The following CDC5L variants were observed in gnomAD, a reference collection of about 807,000 sequenced individuals.
The protein encoded by CDC5L is cell division cycle 5-like protein.
A neutral mutation model predicts 104.1 loss-of-function variants in CDC5L; 18 were observed. The observed-to-expected ratio is 0.17, with a 90% CI of 0.12 to 0.26. CDC5L has a LOEUF of 0.26. Among genes scored for constraint, CDC5L ranks in the 10% least tolerant of loss-of-function variants. CDC5L has a pLI of 1.00. For synonymous variants in CDC5L, 331 were observed against 322.7 expected, an observed-to-expected ratio of 1.03 and a Z score of -0.28; for missense variants, 673 against 956.9, an observed-to-expected ratio of 0.70 and a Z score of 3.91.
chr6:44,417,276 A>G (rs1182963307), intron 8 of CDC5L, among the ~76,000 whole-genome samples: 1 of 152,006 alleles, frequency 6.6e-6, no homozygotes, highest in Non-Finnish European at 1.5e-5. Flanking sequence ...GGGAATGTGG[A>G]GTGAATCTGC....
chr6:44,390,241 A>C, intron 1 of CDC5L, 27 bp from the exon 2 acceptor site: 2 of 1,452,982 alleles, frequency 1.4e-6, no homozygotes, highest in Non-Finnish European at 1.9e-6. Flanking sequence ...TTTGTGACTG[A>C]ATGTACTCTT....
chr6:44,441,932 C>CTTTTTTTT lies in CDC5L; in HGVS notation c.2092-3707_2092-3700dup, dbSNP rs145016358. ...TCCCAGCACTTTGTAAGGTCTTGTTCTTTTTTTTTTTTTTTTTTTTTTTGA... is the reference window on the plus strand; with the variant it reads ...TCCCAGCACTTTGTAAGGTCTTGTTCTTTTTTTTTTTTTTTTTTTTTTTTTTTTTTTGA... On this transcript the variant is annotated intron_variant, in intron 14 of 15. Transcript: ENST00000371477. 1.7e-4 allele frequency among the ~76,000 whole-genome samples: 16 copies of CTTTTTTTT among 92,844 alleles called. No individual in the cohort carries two copies. The East Asian group carries it at 2.0e-3, about 12-fold the overall frequency. 60.9% of individuals were successfully genotyped at this position (92,844 alleles called of 152,430 possible).
At position 44,446,761 on chromosome 6, in the gene CDC5L, C is replaced by T; in HGVS notation, c.*50C>T. 1.1e-6 allele frequency: 1 copy of T among 873,212 alleles called. No individual in the cohort carries two copies. The highest frequency in any genetic ancestry group is 1.8e-6 in the Non-Finnish European group (1 of 548,930). 54.1% of individuals were successfully genotyped at this position (873,212 alleles called of 1,614,324 possible). On this transcript the variant is annotated 3_prime_UTR_variant, in exon 16 of 16. Transcript: ENST00000371477. ...GATTAATTAATTGCCGGTTTTCATA[C>T]TCTAGAAGGCTGAAACTGATGTTTA...
rs1430168432 is a variant in CDC5L, at chr6:44,403,815, T to G, written c.546T>G (p.Leu182=). 1 of 1,606,154 alleles carries G rather than the reference T, an allele frequency of 6.2e-7. No individual in the cohort carries two copies. The highest frequency in any genetic ancestry group is 1.1e-5 in the South Asian group (1 of 89,078). ...GATTTTGCATTCTTTTCAGACGTCT[T>G]GCTGCCCTCCAAAAAAGAAGAGAAC... is the stretch of plus-strand genomic sequence containing the variant. The part of the protein sequence containing the change: ...REKQLEEARR[L]AALQKRRELR... Residue 182 remains leucine, a synonymous_variant, in exon 6 of 16, where the codon CTT becomes CTG. Coordinates refer to ENST00000371477, the MANE Select transcript of CDC5L (RefSeq NM_001253.4).
intron 2 of CDC5L, among the ~76,000 whole-genome samples, chr6:44,391,416 T>G (rs1485223671): frequency 2.6e-5 from 4 of 151,868 alleles, no homozygotes; most frequent in Non-Finnish European, 5.9e-5. Flanking sequence ...TCCCGGCTAA[T>G]TTTTTGTATT....
Position 44,424,403 on chromosome 6 carries a change from C to T in CDC5L, c.1405-16C>T, listed in dbSNP as rs1792326461. 1 of 1,605,604 alleles carries T rather than the reference C, an allele frequency of 6.2e-7. No individual in the cohort carries two copies. The highest frequency in any genetic ancestry group is 1.7e-5 in the Admixed American group (1 of 58,628). ...TTAATATGCATGAATTGAGAAGGAC[C>T]ACTTCTTTTCTACAGGAAAGAGAAT... On this transcript the variant is annotated splice_polypyrimidine_tract_variant and intron_variant, in intron 10 of 15. Coordinates refer to ENST00000371477, the MANE Select transcript of CDC5L (RefSeq NM_001253.4).
At chr6:44,401,989 A>G (rs1466619148) in intron 5 of CDC5L, among the ~76,000 whole-genome samples, 1 of 129,784 alleles carries the variant, frequency 7.7e-6, no homozygotes, top group South Asian at 2.7e-4. Context: ...TGAACTCATC[A>G]TTTTTTATGG....
chr6:44,410,680 G>C (rs544264174), intron 8 of CDC5L, among the ~76,000 whole-genome samples: 1 of 152,130 alleles, frequency 6.6e-6, no homozygotes, highest in South Asian at 2.1e-4. Context: ...AGTAAACCTC[G>C]TTTTTTCTTT....
At chr6:44,410,027 A>G (rs1791558926) in intron 8 of CDC5L, among the ~76,000 whole-genome samples, 1 of 152,026 alleles carries the variant, frequency 6.6e-6, no homozygotes, top group Admixed American at 6.6e-5. Flanking sequence ...GGAATGGCTA[A>G]GTCAAGCTGG....
At chr6:44,400,391 T>G (rs1257117533) in intron 5 of CDC5L, among the ~76,000 whole-genome samples, 2 of 152,332 alleles carry the variant, frequency 1.3e-5, no homozygotes, top group East Asian at 1.9e-4. Flanking sequence ...CTGGTTTATT[T>G]TATTTTATGT....
intron 15 of CDC5L, 136 bp from the exon 16 acceptor site, chr6:44,446,471 G>A (rs571218672): frequency 2.1e-6 from 1 of 483,884 alleles, no homozygotes; most frequent in Non-Finnish European, 3.6e-6. Flanking sequence ...TATTTGATAT[G>A]TTTGTTTCTC....
intron 8 of CDC5L, among the ~76,000 whole-genome samples, chr6:44,416,627 C>T (rs1303341769): frequency 6.6e-6 from 1 of 152,204 alleles, no homozygotes; most frequent in Non-Finnish European, 1.5e-5. Flanking sequence ...TTCTGGGAAA[C>T]ATCCCAGTGT....
intron 8 of CDC5L, among the ~76,000 whole-genome samples, chr6:44,411,356 A>G (rs1317500810): frequency 1.3e-5 from 2 of 152,024 alleles, no homozygotes; most frequent in African/African-American, 4.8e-5. Flanking sequence ...TGCTTAGGTT[A>G]GTCATATTCC....
In CDC5L at chr6:44,422,734, T is replaced by C. The variant is rs780266663; in HGVS notation, c.1329T>C (p.Pro443=). 1 of 1,613,048 alleles carries C rather than the reference T, an allele frequency of 6.2e-7. No homozygotes were observed. Among genetic ancestry groups the C allele is most frequent in the Non-Finnish European group, 8.5e-7 (1 of 1,179,132 alleles). The change falls in exon 10 of 16, where the codon CCT becomes CCC. Residue 443 remains proline (P), a synonymous_variant. Transcript: ENST00000371477. The part of the protein sequence containing the change: ...PVINSTPGRT[P]LRDKLNINPE... ...TTAACTCTACTCCGGGTAGAACTCCTCTTCGAGACAAGTTAAACATTAATC... is the reference window on the plus strand; with the variant it reads ...TTAACTCTACTCCGGGTAGAACTCCCCTTCGAGACAAGTTAAACATTAATC...
intron 1 of CDC5L, among the ~76,000 whole-genome samples, chr6:44,388,496 C>CT (rs1247631824): frequency 2.0e-5 from 3 of 152,126 alleles, no homozygotes; most frequent in African/African-American, 7.2e-5. Context: ...AGGATAGTCT[C>CT]TGTTTCCAGA....
chr6:44,403,574 A>T (rs1791230547), intron 5 of CDC5L, among the ~76,000 whole-genome samples: 1 of 152,102 alleles, frequency 6.6e-6, no homozygotes, highest in Admixed American at 6.5e-5. Flanking sequence ...CCATCCAGAG[A>T]TAAGATATGT....
At chr6:44,403,730 C>CT (rs891509190) in intron 5 of CDC5L, 79 bp from the exon 6 acceptor site, 511 of 954,806 alleles carry the variant, frequency 5.4e-4, no homozygotes, top group Middle Eastern at 6.9e-4. Context: ...TAAATAGATA[C>CT]TTTTTTTTTA....
intron 14 of CDC5L, among the ~76,000 whole-genome samples, chr6:44,433,922 A>G (rs1792804543): frequency 6.6e-6 from 1 of 152,242 alleles, no homozygotes; most frequent in Admixed American, 6.5e-5. Context: ...GGATTTAGTT[A>G]GTAGACAGTT....
intron 14 of CDC5L, among the ~76,000 whole-genome samples, chr6:44,442,195 A>G (rs1159536247): frequency 6.6e-6 from 1 of 152,144 alleles, no homozygotes; most frequent in Non-Finnish European, 1.5e-5. Context: ...TCAGCCTCCC[A>G]AAGTGCTGGG....
Sources: gnomAD v4.1 joint callset for allele counts (sites outside exome capture counted in the v4.1 genomes callset) on GRCh38, gnomAD v4.1.1 for gene constraint, MANE v1.5 for transcripts, NCBI Gene and HGNC (gene_info 2026-07-23, HGNC 2026-07-21) for gene names.